Variants in ARHGAP8 observed in about 807,000 individuals in gnomAD.
ARHGAP8 encodes rho GTPase-activating protein 8.
Under a neutral mutation model 46.1 loss-of-function variants are expected in ARHGAP8, and 62 were observed. The observed-to-expected ratio is 1.34, with a 90% CI of 1.10 to 1.66. The LOEUF is 1.66. ARHGAP8 is among the 40% of genes most tolerant of loss of function. ARHGAP8 has a pLI of 0.00. For missense variants in ARHGAP8, 923 were observed against 568.4 expected (o/e 1.62, Z -6.34); for synonymous variants, 375 against 243.1 (o/e 1.54, Z -5.05).
chr22:44,754,028 C>T (rs1433989178), intron 1 of ARHGAP8, among the ~76,000 whole-genome samples: 3 of 152,106 alleles, frequency 2.0e-5, no homozygotes, highest in East Asian at 3.9e-4. Flanking sequence ...GGGGGTAGGG[C>T]GAAGAGGGAC....
rs149346747 is a variant in ARHGAP8 at position 44,829,420 on chromosome 22, C to G, written c.596+3827C>G. On this transcript the variant is annotated intron_variant, in intron 7 of 11. Transcript: ENST00000356099. ...GGCCTCTCGGCTCCTAGAAGGCTAC[C>G]AGAGATACCATTAGCCCTGCATTCT... Among the ~76,000 whole-genome samples, 552 of 152,296 alleles carry G rather than the reference C, an allele frequency of 3.6e-3. 3 individuals carry two copies. The highest frequency in any genetic ancestry group is 0.013 in the African/African-American group (539 of 41,560).
At chr22:44,756,921 T>G (rs2146982547) in intron 1 of ARHGAP8, among the ~76,000 whole-genome samples, 1 of 152,128 alleles carries the variant, frequency 6.6e-6, no homozygotes, top group East Asian at 1.9e-4. Flanking sequence ...TAGCAACAAT[T>G]TTTTATTTTT....
At chr22:44,803,001 CTG>C (rs1275587481) in intron 3 of ARHGAP8, among the ~76,000 whole-genome samples, 1 of 152,192 alleles carries the variant, frequency 6.6e-6, no homozygotes, top group African/African-American at 2.4e-5. Context: ...GCTGCTGCTG[CTG>C]CTGCTGCCGC....
At position 44,782,910 on chromosome 22, in the gene ARHGAP8, C is replaced by T. The variant is rs537821106; in HGVS notation, c.-71-3547C>T. ...AGCTGCCACGCTGTTTTCCACGGCA[C>T]GCTTTAGCACTGAAACATCAGGAGG... On this transcript the variant is annotated intron_variant, in intron 1 of 11. Coordinates refer to ENST00000356099, the MANE Select transcript of ARHGAP8 (RefSeq NM_181335.3). Among the ~76,000 whole-genome samples, 111 of 152,274 alleles carry T rather than the reference C, an allele frequency of 7.3e-4. 1 individual carries two copies. The highest frequency in any genetic ancestry group is 2.5e-3 in the African/African-American group (104 of 41,570).
chr22:44,786,624 C>T lies in ARHGAP8; in HGVS notation c.79+18C>T. ...GGTGGCAGGTAGGGCCCCAGCTGGG[C>T]AGTCTGCAGGACCATGGGCAGAGCA... is the stretch of plus-strand genomic sequence containing the variant. On this transcript the variant is annotated intron_variant, in intron 2 of 11. Transcript: ENST00000356099. 2 of 1,610,170 alleles carry T rather than the reference C, an allele frequency of 1.2e-6. No homozygotes were observed. Among genetic ancestry groups the T allele is most frequent in the African/African-American group, 1.3e-5 (1 of 74,972 alleles).
At chr22:44,862,047 A>G (rs2070514816) in intron 11 of ARHGAP8, among the ~76,000 whole-genome samples, 2 of 152,182 alleles carry the variant, frequency 1.3e-5, no homozygotes, top group Admixed American at 1.3e-4. Context: ...AGAAGGTCAG[A>G]GCCAGAGGGT....
In ARHGAP8 at chr22:44,786,593, T is replaced by C. The variant is rs781184842; in HGVS notation, c.66T>C (p.Ile22=). The part of the protein sequence containing the change: ...HPFYDVARHG[I]LQVAGDDRFG... ...TCTACGACGTGGCCAGACATGGCAT[T>C]CTGCAGGTGGCAGGTAGGGCCCCAG... The change falls in exon 2 of 12, where the codon ATT becomes ATC. Residue 22 remains isoleucine (I), a synonymous_variant. Coordinates refer to ENST00000356099, the MANE Select transcript of ARHGAP8 (RefSeq NM_181335.3). The C allele has an allele frequency of 6.2e-7, 1 of 1,613,378 alleles. No homozygotes were observed. Among genetic ancestry groups the C allele is most frequent in the South Asian group, 1.1e-5 (1 of 90,958 alleles).
chr22:44,787,951 G>T (rs8141429), intron 2 of ARHGAP8, among the ~76,000 whole-genome samples: 37 of 124,508 alleles, frequency 3.0e-4, no homozygotes, highest in South Asian at 8.2e-4. Flanking sequence ...CCCCCCAAAT[G>T]TCCTTTTAAG....
At chr22:44,757,009 G>A (rs994797310) in intron 1 of ARHGAP8, among the ~76,000 whole-genome samples, 1 of 152,082 alleles carries the variant, frequency 6.6e-6, no homozygotes, top group Non-Finnish European at 1.5e-5. Flanking sequence ...TCGAACTCCT[G>A]GGCTTAAAGG....
At chr22:44,845,856 G>A (rs2069942224) in intron 8 of ARHGAP8, among the ~76,000 whole-genome samples, 1 of 152,180 alleles carries the variant, frequency 6.6e-6, no homozygotes, top group South Asian at 2.1e-4. Context: ...CGTGGAGGCT[G>A]CTTTTACCTT....
At chr22:44,788,097 GTTA>G (rs901492875) in intron 2 of ARHGAP8, among the ~76,000 whole-genome samples, 39 of 49,520 alleles carry the variant, frequency 7.9e-4, no homozygotes, top group East Asian at 4.9e-3. Context: ...TTTATTATAT[GTTA>G]TTATTATTAT....
intron 4 of ARHGAP8, chr22:44,809,278 GT>G (rs375097461): frequency 3.2e-3 from 1,122 of 347,552 alleles, no homozygotes; most frequent in South Asian, 3.9e-3. Flanking sequence ...ATATTCTTCT[GT>G]TTTTTTTTTT....
intron 2 of ARHGAP8, among the ~76,000 whole-genome samples, chr22:44,800,085 A>G (rs1242037934): frequency 2.2e-5 from 2 of 89,182 alleles, no homozygotes; most frequent in African/African-American, 1.1e-4. Flanking sequence ...CCTCTCCTTC[A>G]GGAGTCTGTT....
chr22:44,837,591 C>A (rs1931372266), intron 7 of ARHGAP8, among the ~76,000 whole-genome samples: 1 of 152,184 alleles, frequency 6.6e-6, no homozygotes, highest in African/African-American at 2.4e-5. Context: ...CCCACCCAGC[C>A]AGGAAACACA....
intron 5 of ARHGAP8, among the ~76,000 whole-genome samples, chr22:44,820,829 C>G (rs890719478): frequency 6.6e-6 from 1 of 152,140 alleles, no homozygotes; most frequent in African/African-American, 2.4e-5. Flanking sequence ...CGGCCTCCCT[C>G]GGGGCTCCTT....
chr22:44,784,201 C>T (rs1350396555), intron 1 of ARHGAP8, among the ~76,000 whole-genome samples: 2 of 152,194 alleles, frequency 1.3e-5, no homozygotes, highest in Admixed American at 1.3e-4. Flanking sequence ...GCCAGGGGTT[C>T]GAGACCAGTC....
At chr22:44,759,025 C>G (rs1005940728) in intron 1 of ARHGAP8, among the ~76,000 whole-genome samples, 1 of 152,200 alleles carries the variant, frequency 6.6e-6, no homozygotes, top group Non-Finnish European at 1.5e-5. Context: ...GAGGCCCCAG[C>G]TGCATCCACT....
intron 10 of ARHGAP8, among the ~76,000 whole-genome samples, chr22:44,858,552 A>G (rs58576218): frequency 9.7e-6 from 1 of 103,220 alleles, no homozygotes; most frequent in Non-Finnish European, 2.0e-5. Context: ...TTTTTTTTTT[A>G]AGTAACAGGG....
intron 1 of ARHGAP8, among the ~76,000 whole-genome samples, chr22:44,758,485 A>G (rs1449892303): frequency 1.3e-5 from 2 of 152,112 alleles, no homozygotes; most frequent in Non-Finnish European, 2.9e-5. Context: ...CCCCACTTTA[A>G]TTTCCCAGGC....
Sources: gnomAD v4.1 joint callset for allele counts (sites outside exome capture counted in the v4.1 genomes callset) on GRCh38, gnomAD v4.1.1 for gene constraint, MANE v1.5 for transcripts, NCBI Gene and HGNC (gene_info 2026-07-23, HGNC 2026-07-21) for gene names.